GAB4: variants seen among roughly 807,000 people sequenced by gnomAD.
GAB4 encodes the protein GRB2-associated-binding protein 4.
In GAB4, 26 loss-of-function variants were observed where a neutral mutation model predicts 51.3. The ratio of observed to expected loss-of-function variants is 0.51; its 90% CI spans 0.37 to 0.70. GAB4 has a LOEUF of 0.70. Among genes scored for constraint, GAB4 ranks in the 30% least tolerant of loss-of-function variants. GAB4 has a pLI of 0.00. For missense variants in GAB4, 759 were observed against 734.6 expected, an observed-to-expected ratio of 1.03 and a Z score of -0.38; for synonymous variants, 329 against 291.2, an observed-to-expected ratio of 1.13 and a Z score of -1.32.
chr22:16,963,115 C>T (rs1380345355), intron 9 of GAB4, among the ~76,000 whole-genome samples: 1 of 152,220 alleles, frequency 6.6e-6, no homozygotes, highest in Non-Finnish European at 1.5e-5. Context: ...AAGAGCCAGG[C>T]CCTTCTCTGG....
rs1177516785 is a variant in GAB4, at chr22:16,966,289, G to C, written c.1099C>G (p.Pro367Ala). The stretch of plus-strand genomic sequence containing the variant: ...GCTTGCTTCACAGCCGGCAGGGTAG[G>C]GGAGCCTGGGTTCATGGGCACACAG... ...GSCVPMNPGS[P>A]TLPAVKQAGD... Residue 367 changes from proline to alanine, a missense_variant, in exon 6 of 10, where the codon CCT (proline) becomes GCT (alanine). By Grantham distance (27) the Pro-to-Ala change is conservative. Coordinates refer to ENST00000400588, the MANE Select transcript of GAB4 (RefSeq NM_001037814.1). 2.5e-6 allele frequency: 4 copies of C among 1,613,742 alleles called. No individual in the cohort carries two copies. Among genetic ancestry groups the C allele is most frequent in the Admixed American group, 1.7e-5 (1 of 60,004 alleles).
chr22:16,981,057 G>T (rs1391218533), intron 3 of GAB4, among the ~76,000 whole-genome samples: 2 of 152,072 alleles, frequency 1.3e-5, no homozygotes, highest in African/African-American at 4.8e-5. Flanking sequence ...ACTTAATGTA[G>T]ATGATGGGTT....
chr22:17,001,919 G>GCA (rs1315860361), intron 1 of GAB4, among the ~76,000 whole-genome samples: 1 of 152,196 alleles, frequency 6.6e-6, no homozygotes, highest in African/African-American at 2.4e-5. Context: ...AGACTGCTGT[G>GCA]CTAGCAGTGA....
At chr22:17,007,626 G>T (rs1487482406) in intron 1 of GAB4, among the ~76,000 whole-genome samples, 2 of 152,292 alleles carry the variant, frequency 1.3e-5, no homozygotes, top group East Asian at 3.9e-4. Flanking sequence ...GAGCGGGTGC[G>T]AGGTTCCTGC....
At position 17,008,067 on chromosome 22, in the gene GAB4, G is replaced by A; in HGVS notation, c.48C>T (p.Asp16=). Residue 16 remains aspartate (D), a synonymous_variant, in exon 1 of 10, where the codon GAC becomes GAT. Transcript: ENST00000400588. ...PSPSRELCPP[D]PAFAPLSSWP... ...ACGAAGACAAAGGCGCAAATGCCGG[G>A]TCAGGTGGGCACAGCTCCCGGGAGG... The A allele has an allele frequency of 6.2e-7, 1 of 1,608,402 alleles. No homozygotes were observed. The highest frequency in any genetic ancestry group is 8.5e-7 in the Non-Finnish European group (1 of 1,177,582).
At chr22:16,966,441 C>A in intron 5 of GAB4, 77 bp from the exon 6 acceptor site, 1 of 1,429,330 alleles carries the variant, frequency 7.0e-7, no homozygotes, top group Non-Finnish European at 9.5e-7. Context: ...TAGACAAGGC[C>A]AAAAAGAGTC....
At chr22:17,001,310 C>T (rs1454928433) in intron 1 of GAB4, among the ~76,000 whole-genome samples, 2 of 152,092 alleles carry the variant, frequency 1.3e-5, no homozygotes, top group Non-Finnish European at 2.9e-5. Context: ...TCACATAGTC[C>T]CATGTTTCTT....
intron 1 of GAB4, among the ~76,000 whole-genome samples, chr22:16,992,952 C>T (rs1000445814): frequency 5.9e-5 from 9 of 152,130 alleles, no homozygotes; most frequent in African/African-American, 2.2e-4. Context: ...TCTTCAACTC[C>T]TGGCCTCATA....
chr22:16,981,952 AC>A (rs2060830782), intron 3 of GAB4, among the ~76,000 whole-genome samples: 2 of 152,222 alleles, frequency 1.3e-5, no homozygotes, highest in Admixed American at 1.3e-4. Flanking sequence ...AGATTCAAAA[AC>A]AAAAACCATA....
intron 1 of GAB4, among the ~76,000 whole-genome samples, chr22:17,006,943 C>T (rs1448520690): frequency 1.3e-5 from 2 of 152,010 alleles, no homozygotes; most frequent in Non-Finnish European, 2.9e-5. Flanking sequence ...CACCATGACA[C>T]GTGTATATGT....
At chr22:17,001,885 G>A (rs1163529441) in intron 1 of GAB4, among the ~76,000 whole-genome samples, 1 of 152,172 alleles carries the variant, frequency 6.6e-6, no homozygotes, top group Non-Finnish European at 1.5e-5. Context: ...CCTCAGCCTG[G>A]CTGCAGCCTC....
At chr22:16,977,264 A>G (rs2060786742) in intron 3 of GAB4, among the ~76,000 whole-genome samples, 1 of 152,050 alleles carries the variant, frequency 6.6e-6, no homozygotes, top group South Asian at 2.1e-4. Context: ...GGTGTGCTGT[A>G]TTCAGGAGAC....
chr22:16,995,414 G>C (rs1030631262), intron 1 of GAB4, among the ~76,000 whole-genome samples: 3 of 152,156 alleles, frequency 2.0e-5, no homozygotes, highest in African/African-American at 7.2e-5. Context: ...TTCTGCCTGT[G>C]GCTTTGAAGA....
In GAB4 at chr22:16,962,843, C is replaced by T; in HGVS notation, c.1615G>A (p.Val539Met). Residue 539 changes from valine (V) to methionine (M), a missense_variant, in exon 10 of 10, where the codon GTG becomes ATG. Coordinates refer to ENST00000400588, the MANE Select transcript of GAB4 (RefSeq NM_001037814.1). ...SIGSVTSGKKVDYVQVDLEKT... is the reference protein window; with the variant it reads ...SIGSVTSGKKMDYVQVDLEKT... ...TCCAGATCCACCTGGACATAGTCCACCTTCTTGCCGGACGTGACAGAGCCT... is the reference window on the plus strand; with the variant it reads ...TCCAGATCCACCTGGACATAGTCCATCTTCTTGCCGGACGTGACAGAGCCT... The T allele has an allele frequency of 6.2e-7, 1 of 1,613,482 alleles. No homozygotes were observed. Among genetic ancestry groups the T allele is most frequent in the Non-Finnish European group, 8.5e-7 (1 of 1,179,720 alleles).
chr22:16,991,925 C>T lies in GAB4; in HGVS notation c.426G>A (p.Glu142=), dbSNP rs1275771747. Residue 142 remains glutamate, a synonymous_variant, in exon 2 of 10, where the codon GAG becomes GAA. Coordinates refer to ENST00000400588, the MANE Select transcript of GAB4 (RefSeq NM_001037814.1). ...LVAETREDMN[E]WVQSICQICG... Reference sequence around the variant, plus strand: ...AGATCTGACAGATGCTCTGGACCCACTCATTCATGTCCTCCCTGGTCTCAG... The same window carrying T: ...AGATCTGACAGATGCTCTGGACCCATTCATTCATGTCCTCCCTGGTCTCAG... The T allele has an allele frequency of 2.5e-6, 4 of 1,614,174 alleles. No homozygotes were observed.
At chr22:16,982,844 G>A (rs1265062595) in intron 3 of GAB4, among the ~76,000 whole-genome samples, 1 of 152,182 alleles carries the variant, frequency 6.6e-6, no homozygotes. Flanking sequence ...AGGGTCCAGG[G>A]TCTAAAACCC....
intron 4 of GAB4, among the ~76,000 whole-genome samples, chr22:16,969,324 A>G (rs1240476856): frequency 6.6e-6 from 1 of 152,258 alleles, no homozygotes; most frequent in East Asian, 1.9e-4. Context: ...TACATACACT[A>G]TGATGATTTA....
At chr22:16,978,405 T>G (rs1371615362) in intron 3 of GAB4, among the ~76,000 whole-genome samples, 2 of 151,964 alleles carry the variant, frequency 1.3e-5, no homozygotes, top group Admixed American at 6.6e-5. Context: ...TATAAACACC[T>G]CTATGCAAAT....
chr22:17,008,166 C>T lies in GAB4; in HGVS notation c.-52G>A. 1 of 1,352,956 alleles carries T rather than the reference C, an allele frequency of 7.4e-7. No individual in the cohort carries two copies. The allele number at this position is 1,352,956 out of a possible 1,614,324, so 83.8% of individuals were successfully genotyped here. Reference sequence around the variant, plus strand: ...GGGGAGACAGGGCGAGAGGGCGTTGCTGGAGGTGGGGTGTGAGGGACGGCT... The same window carrying T: ...GGGGAGACAGGGCGAGAGGGCGTTGTTGGAGGTGGGGTGTGAGGGACGGCT... On this transcript the variant is annotated 5_prime_UTR_variant, in exon 1 of 10. Coordinates refer to ENST00000400588, the MANE Select transcript of GAB4 (RefSeq NM_001037814.1).
Sources: gnomAD v4.1 joint callset for allele counts (sites outside exome capture counted in the v4.1 genomes callset) on GRCh38, gnomAD v4.1.1 for gene constraint, MANE v1.5 for transcripts, NCBI Gene and HGNC (gene_info 2026-07-23, HGNC 2026-07-21) for gene names.